Variants in MEIS1 observed in about 807,000 individuals in gnomAD.
MEIS1 encodes the protein Meis homeobox 1, also known as homeobox protein Meis1.
A neutral mutation model predicts 50.8 loss-of-function variants in MEIS1; 5 were observed. The observed-to-expected ratio is 0.10, with a 90% CI of 0.05 to 0.21. The LOEUF is 0.21. MEIS1 is among the 10% of genes least tolerant of loss of function. The probability of loss-of-function intolerance (pLI) is 1.00; values close to 1 mark genes in which losing one functional copy is unlikely to be tolerated. For synonymous variants in MEIS1, 176 were observed against 179.3 expected (o/e 0.98, Z 0.15); for missense variants, 318 against 517.3 (o/e 0.61, Z 3.74).
chr2:66,468,562 C>T (rs1672693766), intron 7 of MEIS1, among the ~76,000 whole-genome samples: 1 of 152,184 alleles, frequency 6.6e-6, no homozygotes, highest in Non-Finnish European at 1.5e-5. Flanking sequence ...TGTCCAAGGC[C>T]ACACACCGGC....
chr2:66,487,369 C>T (rs1227239713), intron 7 of MEIS1, among the ~76,000 whole-genome samples: 1 of 152,128 alleles, frequency 6.6e-6, no homozygotes, highest in Non-Finnish European at 1.5e-5. Flanking sequence ...CATGGATACA[C>T]ACACATATAT....
chr2:66,542,877 A>C (rs1337804566), intron 8 of MEIS1, among the ~76,000 whole-genome samples: 1 of 152,210 alleles, frequency 6.6e-6, no homozygotes. Context: ...TTGATGAAAG[A>C]AGTACATTTG....
intron 6 of MEIS1, among the ~76,000 whole-genome samples, chr2:66,451,533 A>G (rs1415654656): frequency 6.6e-6 from 1 of 152,086 alleles, no homozygotes; most frequent in African/African-American, 2.4e-5. Flanking sequence ...AGCTGAATGA[A>G]TAAGAATTTC....
At chr2:66,436,173 T>C (rs976927952) in intron 1 of MEIS1, among the ~76,000 whole-genome samples, 3 of 152,178 alleles carry the variant, frequency 2.0e-5, no homozygotes, top group Admixed American at 1.3e-4. Flanking sequence ...AAGCTGTAAT[T>C]TGAACATTCA....
At chr2:66,517,740 T>G (rs935857092) in intron 8 of MEIS1, among the ~76,000 whole-genome samples, 1 of 152,122 alleles carries the variant, frequency 6.6e-6, no homozygotes, top group Non-Finnish European at 1.5e-5. Flanking sequence ...GAGGGGAATA[T>G]TGGAATGCTC....
chr2:66,513,295 C>T (rs1328738004), intron 8 of MEIS1, among the ~76,000 whole-genome samples: 2 of 152,050 alleles, frequency 1.3e-5, no homozygotes, highest in African/African-American at 4.8e-5. Context: ...TTTTGTGTTA[C>T]TATTTTTGTC....
intron 7 of MEIS1, among the ~76,000 whole-genome samples, chr2:66,494,732 G>C (rs1240694023): frequency 2.0e-5 from 3 of 152,156 alleles, no homozygotes; most frequent in African/African-American, 7.2e-5. Context: ...GATCTCGCTT[G>C]TTCCTCATAA....
intron 9 of MEIS1, among the ~76,000 whole-genome samples, chr2:66,553,534 A>G (rs1486719609): frequency 1.3e-5 from 2 of 152,242 alleles, no homozygotes; most frequent in African/African-American, 4.8e-5. Context: ...TTTAGCTTGC[A>G]TATTGCCTGA....
chr2:66,535,543 G>A (rs1275816947), intron 8 of MEIS1, among the ~76,000 whole-genome samples: 3 of 152,100 alleles, frequency 2.0e-5, no homozygotes, highest in African/African-American at 7.2e-5. Flanking sequence ...CATCTGTGCC[G>A]GCATCCGCAC....
chr2:66,544,040 A>G (rs1674725715), intron 8 of MEIS1, among the ~76,000 whole-genome samples: 7 of 152,194 alleles, frequency 4.6e-5, no homozygotes, highest in Admixed American at 4.6e-4. Context: ...GGAGGATGGC[A>G]AGGAGTGACA....
At chr2:66,550,414 T>C (rs572299260) in intron 9 of MEIS1, among the ~76,000 whole-genome samples, 1 of 152,216 alleles carries the variant, frequency 6.6e-6, no homozygotes, top group Non-Finnish European at 1.5e-5. Flanking sequence ...GACAATACCA[T>C]GTTTGATTTG....
At chr2:66,439,800 G>A (rs1671909003) in intron 2 of MEIS1, 43 bp from the exon 3 acceptor site, 3 of 1,609,332 alleles carry the variant, frequency 1.9e-6, no homozygotes, top group Admixed American at 1.7e-5. Context: ...ATTGACTGGG[G>A]ACTAACCATT....
chr2:66,477,059 A>G (rs1348865298), intron 7 of MEIS1, among the ~76,000 whole-genome samples: 1 of 152,080 alleles, frequency 6.6e-6, no homozygotes, highest in African/African-American at 2.4e-5. Flanking sequence ...AGAGGGTCAT[A>G]TTTGTCATCT....
At position 66,457,401 on chromosome 2, in the gene MEIS1, A is replaced by C. The variant is rs112430573; in HGVS notation, c.631-6708A>C. 2.0e-5 allele frequency among the ~76,000 whole-genome samples: 3 copies of C among 152,268 alleles called. 1 individual carries two copies. Among genetic ancestry groups the C allele is most frequent in the African/African-American group, 7.2e-5 (3 of 41,554 alleles). The stretch of plus-strand genomic sequence containing the variant: ...TTTCAGTACGAGTTTCAGTATGACA[A>C]GACTTTAAATACTCAGACATAAAAA... On this transcript the variant is annotated intron_variant, in intron 6 of 12. Transcript: ENST00000272369.
Position 66,469,191 on chromosome 2 carries a change from T to TAA in MEIS1, c.742+4982_742+4983dup, listed in dbSNP as rs201295252. 1.2e-3 allele frequency among the ~76,000 whole-genome samples: 167 copies of TAA among 145,066 alleles called. 1 individual carries two copies. Among genetic ancestry groups the TAA allele is most frequent in the African/African-American group, 4.0e-3 (159 of 39,938 alleles). ...GACTCAGAATAACAATAGTACCACT[T>TAA]AAAAAAAAAAAAGCAAAACCAGCAT... On this transcript the variant is annotated intron_variant, in intron 7 of 12. Coordinates refer to ENST00000272369, the MANE Select transcript of MEIS1 (RefSeq NM_002398.3).
At chr2:66,488,087 C>T (rs2103800335) in intron 7 of MEIS1, among the ~76,000 whole-genome samples, 1 of 152,254 alleles carries the variant, frequency 6.6e-6, no homozygotes, top group Middle Eastern at 3.4e-3. Context: ...TGCATATCAG[C>T]TTTTTTGTTA....
rs184661060 is a variant in MEIS1 at position 66,460,526 on chromosome 2, T to C, written c.631-3583T>C. ...TGGCTGTCTCTTGGGGCCCTAGAACTAGAAAAAACATGAGCAAAAATTAAG... is the reference window on the plus strand; with the variant it reads ...TGGCTGTCTCTTGGGGCCCTAGAACCAGAAAAAACATGAGCAAAAATTAAG... On this transcript the variant is annotated intron_variant, in intron 6 of 12. Coordinates refer to ENST00000272369, the MANE Select transcript of MEIS1 (RefSeq NM_002398.3). 1.1e-4 allele frequency among the ~76,000 whole-genome samples: 16 copies of C among 152,310 alleles called. No homozygotes were observed. In the East Asian group the frequency reaches 2.9e-3, roughly 28 times the overall value.
At chr2:66,562,290 G>A (rs925616915) in intron 9 of MEIS1, among the ~76,000 whole-genome samples, 2 of 151,110 alleles carry the variant, frequency 1.3e-5, no homozygotes, top group Admixed American at 1.3e-4. Flanking sequence ...TAAACTAAAG[G>A]ACAAAGGTCA....
In MEIS1 at chr2:66,531,624, G is replaced by A. The variant is rs1572883054; in HGVS notation, c.889-16319G>A. ...AGTGCCACGTACACGGTTACACAAC[G>A]CATAAAGGCGAGGGTCATTTCTAGG... On this transcript the variant is annotated intron_variant, in intron 8 of 12. Transcript: ENST00000272369. Among the ~76,000 whole-genome samples, 4 of 152,268 alleles carry A rather than the reference G, an allele frequency of 2.6e-5. No individual in the cohort carries two copies. The East Asian group carries it at 7.7e-4, about 29-fold the overall frequency.
Sources: allele counts gnomAD v4.1 joint callset (sites outside exome capture counted in the v4.1 genomes callset), GRCh38; gene constraint gnomAD v4.1.1; transcripts MANE v1.5; gene names NCBI Gene and HGNC (gene_info 2026-07-23, HGNC 2026-07-21).